Variants in ARHGEF3 observed in about 807,000 individuals in gnomAD.
ARHGEF3 encodes Rho guanine nucleotide exchange factor 3, also known as 59.8 kDA protein.
In ARHGEF3, 28 loss-of-function variants were observed where a neutral mutation model predicts 63.2. That is an observed-to-expected ratio of 0.44 (90% confidence interval 0.33 to 0.61). ARHGEF3 has a LOEUF of 0.61. Among genes scored for constraint, ARHGEF3 ranks in the 20% least tolerant of loss-of-function variants. The pLI is 0.03. For synonymous variants in ARHGEF3, 266 were observed against 254.2 expected (o/e 1.05, Z -0.44); for missense variants, 533 against 659.3 (o/e 0.81, Z 2.10).
At chr3:57,019,412 G>A (rs995743864) in intron 2 of ARHGEF3, among the ~76,000 whole-genome samples, 3 of 152,126 alleles carry the variant, frequency 2.0e-5, no homozygotes, top group African/African-American at 4.8e-5. Context: ...TCTCAGCCTC[G>A]GTGTGTTCCT....
chr3:56,814,723 CCTTGCTTCCAAAGACATTAATT>C (rs1032488831), intron 4 of ARHGEF3, among the ~76,000 whole-genome samples: 1 of 152,052 alleles, frequency 6.6e-6, no homozygotes, highest in African/African-American at 2.4e-5. Flanking sequence ...TTCCAACACT[CCTTGCTTCCAAAGACATTAATT>C]CTTTGATTTA....
intron 3 of ARHGEF3, among the ~76,000 whole-genome samples, chr3:56,945,475 G>A (rs180882921): frequency 6.6e-6 from 1 of 152,304 alleles, no homozygotes; most frequent in Admixed American, 6.5e-5. Context: ...ATTATATCCT[G>A]TGCCTGGCTT....
At chr3:57,044,491 T>A (rs1579157881) in intron 1 of ARHGEF3, among the ~76,000 whole-genome samples, 2 of 152,336 alleles carry the variant, frequency 1.3e-5, no homozygotes, top group Admixed American at 1.3e-4. Flanking sequence ...ATGAAATGGA[T>A]GCAACAGGCT....
intron 3 of ARHGEF3, among the ~76,000 whole-genome samples, chr3:56,923,073 T>TATATATATAA (rs2042190895): frequency 1.0e-5 from 1 of 95,612 alleles, no homozygotes; most frequent in African/African-American, 3.7e-5. Context: ...TATATATATA[T>TATATATATAA]ATAAATTAGT....
chr3:57,073,751 G>A lies in ARHGEF3; in HGVS notation c.-28+5475C>T, dbSNP rs755584499. On this transcript the variant is annotated intron_variant, in intron 1 of 12. Coordinates refer to the ARHGEF3 transcript ENST00000338458. ...CCTTAGAAAAGTCAGGAGACACCTG[G>A]GAAATGAAGGCACTAGACTCTTCCA... 4 of 1,614,064 alleles carry A rather than the reference G, an allele frequency of 2.5e-6. No homozygotes were observed. The South Asian group carries it at 4.4e-5, about 18-fold the overall frequency.
intron 2 of ARHGEF3, among the ~76,000 whole-genome samples, chr3:57,025,505 G>A (rs954424188): frequency 7.9e-5 from 12 of 152,276 alleles, no homozygotes; most frequent in African/African-American, 2.4e-4. Flanking sequence ...CAGTGACTCT[G>A]TGTTAGCATG....
intron 3 of ARHGEF3, among the ~76,000 whole-genome samples, chr3:56,937,454 A>T (rs1218383012): frequency 6.6e-6 from 1 of 152,236 alleles, no homozygotes; most frequent in African/African-American, 2.4e-5. Context: ...AAATGTTAGG[A>T]ACTGTTAATT....
intron 2 of ARHGEF3, among the ~76,000 whole-genome samples, chr3:56,997,084 C>T (rs527339932): frequency 1.3e-5 from 2 of 152,024 alleles, no homozygotes; most frequent in South Asian, 2.1e-4. Flanking sequence ...GGGATCCCTA[C>T]CCCAGCATCC....
At chr3:56,937,694 C>G (rs1399857149) in intron 3 of ARHGEF3, among the ~76,000 whole-genome samples, 1 of 152,170 alleles carries the variant, frequency 6.6e-6, no homozygotes, top group African/African-American at 2.4e-5. Context: ...CCAGAGGAAG[C>G]TGTTGTTTGT....
chr3:56,893,470 C>G (rs955178952), intron 3 of ARHGEF3, among the ~76,000 whole-genome samples: 1 of 147,764 alleles, frequency 6.8e-6, no homozygotes, highest in Admixed American at 6.9e-5. Context: ...TGAGCCACCA[C>G]GCCCAACCCC....
At chr3:56,982,450 C>T (rs537078772) in intron 2 of ARHGEF3, among the ~76,000 whole-genome samples, 1 of 152,168 alleles carries the variant, frequency 6.6e-6, no homozygotes, top group South Asian at 2.1e-4. Context: ...TCCTTCAGGG[C>T]TCTTCTCAGT....
At chr3:56,936,471 C>G (rs1270233386) in intron 3 of ARHGEF3, among the ~76,000 whole-genome samples, 1 of 152,222 alleles carries the variant, frequency 6.6e-6, no homozygotes, top group Admixed American at 6.5e-5. Context: ...AGGGTCTGAG[C>G]TCTCATCAGC....
chr3:56,737,133 A>G, intron 8 of ARHGEF3, 52 bp downstream of exon 8: 1 of 1,507,450 alleles, frequency 6.6e-7, no homozygotes. Flanking sequence ...ACACCAAATG[A>G]ATTAGGGATA....
At chr3:56,896,923 A>G (rs1184596810) in intron 3 of ARHGEF3, among the ~76,000 whole-genome samples, 1 of 152,230 alleles carries the variant, frequency 6.6e-6, no homozygotes, top group East Asian at 1.9e-4. Flanking sequence ...GGCATCTTCT[A>G]AATTTCTCTA....
chr3:56,739,549 G>A (rs1027391521), intron 7 of ARHGEF3, among the ~76,000 whole-genome samples: 6 of 151,586 alleles, frequency 4.0e-5, no homozygotes, highest in African/African-American at 1.5e-4. Context: ...ACAGGCGTGC[G>A]CCACCACACC....
chr3:57,027,483 G>A (rs1321038193), intron 2 of ARHGEF3, among the ~76,000 whole-genome samples: 1 of 152,142 alleles, frequency 6.6e-6, no homozygotes, highest in Non-Finnish European at 1.5e-5. Context: ...GGTCTGCAGG[G>A]AGCAAGTAGG....
intron 4 of ARHGEF3, among the ~76,000 whole-genome samples, chr3:56,830,088 G>T (rs78413816): frequency 0.072 from 10,917 of 152,222 alleles, 537 homozygotes; most frequent in East Asian, 0.22. Context: ...CATAGAATTT[G>T]TAAGTAGCAG....
In ARHGEF3 at chr3:56,936,219, C is replaced by A. The variant is rs570740149; in HGVS notation, c.129+22604G>T. Among the ~76,000 whole-genome samples, 4 of 152,204 alleles carry A rather than the reference C, an allele frequency of 2.6e-5. No individual in the cohort carries two copies. In the South Asian group the frequency reaches 6.2e-4, roughly 24 times the overall value. On this transcript the variant is annotated intron_variant, in intron 3 of 12. Transcript: ENST00000338458. ...GGTCCAGAGCTGGCATCATGACAAGCCCAACAGTGCCACATACAAGGAGGA... is the reference window on the plus strand; with the variant it reads ...GGTCCAGAGCTGGCATCATGACAAGACCAACAGTGCCACATACAAGGAGGA...
intron 1 of ARHGEF3, among the ~76,000 whole-genome samples, chr3:56,796,243 AGTAGTT>A (rs2037358459): frequency 6.6e-6 from 1 of 152,336 alleles, no homozygotes; most frequent in East Asian, 1.9e-4. Context: ...ATTTTCTTTC[AGTAGTT>A]ATGAAAACGG....
Sources: allele counts gnomAD v4.1 joint callset (sites outside exome capture counted in the v4.1 genomes callset), GRCh38; gene constraint gnomAD v4.1.1; transcripts MANE v1.5; gene names NCBI Gene and HGNC (gene_info 2026-07-23, HGNC 2026-07-21).